MARCHF1: variants seen among roughly 807,000 people sequenced by gnomAD.
MARCHF1 encodes E3 ubiquitin-protein ligase MARCHF1.
Under a neutral mutation model 54.2 loss-of-function variants are expected in MARCHF1, and 40 were observed. The ratio of observed to expected loss-of-function variants is 0.74; its 90% CI spans 0.57 to 0.96. The LOEUF (loss-of-function observed/expected upper bound fraction) is 0.96, where lower values mean the gene tolerates loss of function less well. Ranked by LOEUF, MARCHF1 falls within the 40% of genes least tolerant of loss-of-function variation. The probability of loss-of-function intolerance (pLI) is 0.00; values close to 1 mark genes in which losing one functional copy is unlikely to be tolerated. For missense variants in MARCHF1, 586 were observed against 656.5 expected (o/e 0.89, Z 1.17); for synonymous variants, 236 against 236.3 (o/e 1.00, Z 0.01).
At chr4:164,189,118 A>G in intron 1 of MARCHF1, 1 of 653,424 alleles carries the variant, frequency 1.5e-6, no homozygotes, top group Admixed American at 2.3e-5. Flanking sequence ...CGTGGCCACT[A>G]ATGGAGATAC....
intron 3 of MARCHF1, among the ~76,000 whole-genome samples, chr4:163,882,115 A>G (rs1311686286): frequency 1.3e-5 from 2 of 152,204 alleles, no homozygotes; most frequent in Admixed American, 6.5e-5. Flanking sequence ...ATTTGGAGAA[A>G]TACAGTACTT....
chr4:163,948,457 A>G (rs1752066034), intron 3 of MARCHF1, among the ~76,000 whole-genome samples: 1 of 152,224 alleles, frequency 6.6e-6, no homozygotes. Flanking sequence ...GCTTAGAATC[A>G]TTTGAGGAAA....
intron 1 of MARCHF1, among the ~76,000 whole-genome samples, chr4:164,244,791 A>G (rs1446894901): frequency 6.6e-6 from 1 of 152,192 alleles, no homozygotes; most frequent in East Asian, 1.9e-4. Flanking sequence ...CACCAATCCC[A>G]CAGAAATACA....
At chr4:164,102,996 C>T (rs1579536057) in intron 2 of MARCHF1, among the ~76,000 whole-genome samples, 2 of 128,488 alleles carry the variant, frequency 1.6e-5, no homozygotes, top group South Asian at 5.6e-4. Context: ...TTTAAACCAA[C>T]AAAGATCAAA....
chr4:163,657,953 A>C (rs1165783084), intron 5 of MARCHF1, among the ~76,000 whole-genome samples: 1 of 152,140 alleles, frequency 6.6e-6, no homozygotes, highest in Admixed American at 6.6e-5. Flanking sequence ...GAAAACTGTA[A>C]AAACCCTAGA....
chr4:163,649,743 C>G (rs1742898821), intron 5 of MARCHF1, among the ~76,000 whole-genome samples: 1 of 151,520 alleles, frequency 6.6e-6, no homozygotes. Context: ...CCTGTGGAGT[C>G]TCTCCTTGTT....
intron 3 of MARCHF1, among the ~76,000 whole-genome samples, chr4:163,866,481 T>TATATATATATATATATATATATATAA (rs1167768240): frequency 1.4e-5 from 2 of 145,476 alleles, no homozygotes; most frequent in South Asian, 4.3e-4. Flanking sequence ...TATATATATA[T>TATATATATATATATATATATATATAA]AATAGGACTG....
chr4:164,037,286 T>G (rs558730060), intron 2 of MARCHF1, among the ~76,000 whole-genome samples: 4 of 152,260 alleles, frequency 2.6e-5, no homozygotes, highest in South Asian at 2.1e-4. Flanking sequence ...AGGTGATATT[T>G]AAAGTCATGC....
chr4:164,256,664 T>A (rs1253393059), intron 1 of MARCHF1, among the ~76,000 whole-genome samples: 1 of 152,082 alleles, frequency 6.6e-6, no homozygotes, highest in Non-Finnish European at 1.5e-5. Flanking sequence ...AGAAAAATAT[T>A]ATAAAAATAA....
At chr4:163,880,891 A>T (rs1750401136) in intron 3 of MARCHF1, among the ~76,000 whole-genome samples, 1 of 152,184 alleles carries the variant, frequency 6.6e-6, no homozygotes, top group African/African-American at 2.4e-5. Context: ...ATGGGTTTCC[A>T]CCTGAACTCC....
intron 1 of MARCHF1, among the ~76,000 whole-genome samples, chr4:164,211,987 G>T (rs986408309): frequency 6.6e-6 from 1 of 152,064 alleles, no homozygotes; most frequent in Non-Finnish European, 1.5e-5. Flanking sequence ...ATGGAACAAA[G>T]TCCCAGAGAA....
chr4:163,960,938 G>T (rs1752334973), intron 3 of MARCHF1, among the ~76,000 whole-genome samples: 2 of 151,720 alleles, frequency 1.3e-5, no homozygotes. Context: ...TCATTTTCTA[G>T]CTTATAGACA....
intron 7 of MARCHF1, among the ~76,000 whole-genome samples, chr4:163,594,722 AC>A (rs1436875588): frequency 6.7e-6 from 1 of 150,104 alleles, no homozygotes; most frequent in Non-Finnish European, 1.5e-5. Flanking sequence ...GTGAAATGTC[AC>A]CTCGCACCCA....
intron 1 of MARCHF1, among the ~76,000 whole-genome samples, chr4:164,120,809 A>G (rs563996571): frequency 6.6e-6 from 1 of 152,284 alleles, no homozygotes; most frequent in African/African-American, 2.4e-5. Context: ...ACAACATACC[A>G]AAACCTATGA....
intron 2 of MARCHF1, among the ~76,000 whole-genome samples, chr4:164,049,536 G>A (rs1180129328): frequency 6.6e-6 from 1 of 151,922 alleles, no homozygotes; most frequent in African/African-American, 2.4e-5. Context: ...AACTGTTCAT[G>A]GCTGATACAA....
chr4:163,550,340 C>G (rs1010085324), intron 8 of MARCHF1, among the ~76,000 whole-genome samples: 1 of 151,424 alleles, frequency 6.6e-6, no homozygotes, highest in Admixed American at 6.6e-5. Flanking sequence ...GTAGGGACTA[C>G]TTTGCCAAAT....
chr4:163,865,045 T>TC (rs1309630820), intron 3 of MARCHF1, among the ~76,000 whole-genome samples: 3 of 152,018 alleles, frequency 2.0e-5, no homozygotes, highest in Admixed American at 6.6e-5. Flanking sequence ...CAGGTTCCAC[T>TC]CCCGTCTCTC....
intron 4 of MARCHF1, among the ~76,000 whole-genome samples, chr4:163,826,014 T>G (rs1374864869): frequency 6.6e-6 from 1 of 152,062 alleles, no homozygotes; most frequent in South Asian, 2.1e-4. Context: ...GGTCAGTCAT[T>G]GAACCTGTCC....
chr4:163,784,148 T>G (rs1298298888), intron 4 of MARCHF1, among the ~76,000 whole-genome samples: 1 of 152,048 alleles, frequency 6.6e-6, no homozygotes, highest in Non-Finnish European at 1.5e-5. Flanking sequence ...TTCTTTTTTT[T>G]TTTTTTTACT....
Sources: gnomAD v4.1 joint callset for allele counts (sites outside exome capture counted in the v4.1 genomes callset) on GRCh38, gnomAD v4.1.1 for gene constraint, MANE v1.5 for transcripts, NCBI Gene and HGNC (gene_info 2026-07-23, HGNC 2026-07-21) for gene names.